Variants in PACSIN1 observed in about 807,000 individuals in gnomAD.
PACSIN1 encodes the protein protein kinase C and casein kinase substrate in neurons 1.
Under a neutral mutation model 59.5 loss-of-function variants are expected in PACSIN1, and 15 were observed. The observed-to-expected ratio is 0.25, with a 90% CI of 0.17 to 0.39. The LOEUF (loss-of-function observed/expected upper bound fraction) is 0.39. Among genes scored for constraint, PACSIN1 ranks in the 10% least tolerant of loss-of-function variants. PACSIN1 has a pLI of 1.00. For missense variants in PACSIN1, 420 were observed against 580.2 expected (o/e 0.72, Z 2.84); for synonymous variants, 210 against 220.6 (o/e 0.95, Z 0.42).
rs1410575277 is a variant in PACSIN1 at position 34,516,143 on chromosome 6, CCT to C, written c.-63-10099_-63-10098del. On this transcript the variant is annotated intron_variant, in intron 1 of 9. Coordinates refer to ENST00000244458, the MANE Select transcript of PACSIN1 (RefSeq NM_020804.5). The surrounding 1 kb of genome is among the most constrained non-coding windows in gnomAD (Gnocchi z 5.4). The stretch of plus-strand genomic sequence containing the variant: ...TCCACCTGCTTTCTCTCCCGCACCC[CCT>C]GAGAGCCCAGCTGGGTCTTTCACTG... 6.6e-6 allele frequency among the ~76,000 whole-genome samples: 1 copy of C among 152,156 alleles called. No individual in the cohort carries two copies. The highest frequency in any genetic ancestry group is 2.4e-5 in the African/African-American group (1 of 41,432).
At chr6:34,527,523 G>A (rs758366330) in intron 3 of PACSIN1, 35 bp downstream of exon 3, 5 of 1,545,644 alleles carry the variant, frequency 3.2e-6, no homozygotes, top group Admixed American at 1.9e-5. Context: ...CGCGCCCCCA[G>A]GCCGTCACGA....
At chr6:34,507,368 T>C (rs1382714841) in intron 1 of PACSIN1, among the ~76,000 whole-genome samples, 1 of 152,094 alleles carries the variant, frequency 6.6e-6, no homozygotes, top group African/African-American at 2.4e-5. Flanking sequence ...TCTGTTTGTT[T>C]TATATATAGG....
chr6:34,534,810 C>G lies in PACSIN1; in HGVS notation c.*2280C>G, dbSNP rs1458319479. On this transcript the variant is annotated 3_prime_UTR_variant, in exon 10 of 10. Transcript: ENST00000244458. ...TCTCCTACCTGGAAGTCCCCCTGAGCTCCAGGGCCCAGCCCTACCTGCCAG... is the reference window on the plus strand; with the variant it reads ...TCTCCTACCTGGAAGTCCCCCTGAGGTCCAGGGCCCAGCCCTACCTGCCAG... 6.5e-6 allele frequency: 1 copy of G among 152,802 alleles called. No individual in the cohort carries two copies. Among genetic ancestry groups the G allele is most frequent in the Non-Finnish European group, 1.5e-5 (1 of 68,140 alleles). 9.5% of individuals were successfully genotyped at this position (152,802 alleles called of 1,614,324 possible).
At chr6:34,483,121 C>T (rs1299352990) in intron 1 of PACSIN1, among the ~76,000 whole-genome samples, 1 of 151,524 alleles carries the variant, frequency 6.6e-6, no homozygotes, top group Non-Finnish European at 1.5e-5. Flanking sequence ...CCTCCCACCT[C>T]AGCCTCCCAA....
chr6:34,527,668 C>A, intron 3 of PACSIN1, 180 bp downstream of exon 3: 4 of 409,298 alleles, frequency 9.8e-6, no homozygotes, highest in Middle Eastern at 6.3e-4. Context: ...CTATTTTGTA[C>A]AATTTTAGGT....
intron 1 of PACSIN1, among the ~76,000 whole-genome samples, chr6:34,470,107 A>C (rs1310305446): frequency 1.3e-5 from 2 of 152,104 alleles, no homozygotes; most frequent in African/African-American, 4.8e-5. Context: ...GCTGTCTCTG[A>C]AGACCTCAAC....
intron 1 of PACSIN1, among the ~76,000 whole-genome samples, chr6:34,510,669 T>C (rs1767187295): frequency 6.6e-6 from 1 of 152,232 alleles, no homozygotes; most frequent in Non-Finnish European, 1.5e-5. Context: ...CAAAGGAGGA[T>C]TCTAAAATGT....
intron 1 of PACSIN1, among the ~76,000 whole-genome samples, chr6:34,484,441 T>C (rs1376092316): frequency 2.0e-5 from 3 of 151,968 alleles, no homozygotes; most frequent in Admixed American, 6.6e-5. Flanking sequence ...TATCAGAGAT[T>C]GGGGTGGGGC....
chr6:34,511,742 G>A (rs980497356), intron 1 of PACSIN1, among the ~76,000 whole-genome samples: 15 of 152,218 alleles, frequency 9.9e-5, no homozygotes, highest in African/African-American at 3.4e-4. Flanking sequence ...TGACAGTCAT[G>A]GGAATATTAT....
chr6:34,531,495 A>G lies in PACSIN1; in HGVS notation c.1038-105A>G, dbSNP rs907415066. ...CTCCTATGTGGCCAATCCTTGCTCT[A>G]GCCTTGGTAGAATTCGGGATCAGGG... On this transcript the variant is annotated intron_variant, in intron 8 of 9. Transcript: ENST00000244458. This position sits in a 1 kb window ranked among gnomAD's most constrained non-coding sequence, Gnocchi z 4.4. The G allele has an allele frequency of 8.4e-7, 1 of 1,193,062 alleles. No homozygotes were observed. The highest frequency in any genetic ancestry group is 1.2e-6 in the Non-Finnish European group (1 of 826,036). 73.9% of individuals were successfully genotyped at this position (1,193,062 alleles called of 1,614,324 possible). A position where few individuals can be genotyped will look rare whatever the true frequency, so the allele number is the denominator to read the frequency against.
chr6:34,529,658 G>A lies in PACSIN1; in HGVS notation c.613-8G>A. The stretch of plus-strand genomic sequence containing the variant: ...GGTGTCACCCTCTCTCCACTCTGGT[G>A]CCCACAGACACAGGAGAAGTATGAG... On this transcript the variant is annotated splice_polypyrimidine_tract_variant and splice_region_variant and intron_variant, in intron 5 of 9. Transcript: ENST00000244458. This position sits in a 1 kb window ranked among gnomAD's most constrained non-coding sequence, Gnocchi z 6.3. The A allele has an allele frequency of 6.2e-7, 1 of 1,613,812 alleles. No individual in the cohort carries two copies. Among genetic ancestry groups the A allele is most frequent in the South Asian group, 1.1e-5 (1 of 91,074 alleles).
At chr6:34,508,654 A>G (rs928237969) in intron 1 of PACSIN1, among the ~76,000 whole-genome samples, 1 of 152,158 alleles carries the variant, frequency 6.6e-6, no homozygotes. Context: ...CAAGTGTTCA[A>G]ATTTATCCAC....
rs531027351 is a variant in PACSIN1 at position 34,515,348 on chromosome 6, C to T, written c.-63-10895C>T. On this transcript the variant is annotated intron_variant, in intron 1 of 9. Transcript: ENST00000244458. This position sits in a 1 kb window ranked among gnomAD's most constrained non-coding sequence, Gnocchi z 4.4. Reference sequence around the variant, plus strand: ...CTGCCACAGGTCCTGACTTTGTAGCCATGCCCCCTCCTTGGGGCAGCAGGC... The same window carrying T: ...CTGCCACAGGTCCTGACTTTGTAGCTATGCCCCCTCCTTGGGGCAGCAGGC... 1.6e-4 allele frequency among the ~76,000 whole-genome samples: 25 copies of T among 152,252 alleles called. No individual in the cohort carries two copies. The East Asian group carries it at 4.6e-3, about 28-fold the overall frequency.
In PACSIN1 at chr6:34,496,285, C is replaced by T. The variant is rs111265425; in HGVS notation, c.-63-29958C>T. Among the ~76,000 whole-genome samples the T allele has an allele frequency of 6.6e-3, 998 of 152,254 alleles. 11 individuals are homozygous for T. Among genetic ancestry groups the T allele is most frequent in the African/African-American group, 0.022 (922 of 41,530 alleles). On this transcript the variant is annotated intron_variant, in intron 1 of 9. Transcript: ENST00000244458. ...TGGATTCTAGTTTACATTCTGCTCT[C>T]CTGCAAAGGTCATCTGTAATTGCCT...
At chr6:34,466,957 G>A (rs1766505635) in intron 1 of PACSIN1, among the ~76,000 whole-genome samples, 1 of 152,122 alleles carries the variant, frequency 6.6e-6, no homozygotes, top group Non-Finnish European at 1.5e-5. Context: ...CAGGGTGTAG[G>A]AGACATGGTG....
chr6:34,472,257 G>A (rs2113832209), intron 1 of PACSIN1, among the ~76,000 whole-genome samples: 1 of 115,616 alleles, frequency 8.6e-6, no homozygotes. Context: ...GGGAGACAGA[G>A]CCAGACTCTG....
intron 2 of PACSIN1, among the ~76,000 whole-genome samples, chr6:34,526,848 T>A (rs985716976): frequency 1.3e-5 from 2 of 152,004 alleles, no homozygotes; most frequent in Non-Finnish European, 2.9e-5. Flanking sequence ...AGAAAAAAAA[T>A]TGCTATTGGC....
intron 3 of PACSIN1, among the ~76,000 whole-genome samples, chr6:34,527,958 G>A (rs1315575558): frequency 2.6e-5 from 4 of 152,290 alleles, no homozygotes; most frequent in Non-Finnish European, 5.9e-5. Flanking sequence ...CATGTAATAC[G>A]ACCCATACGC....
Position 34,530,674 on chromosome 6 carries a change from T to A in PACSIN1, c.1037+87T>A. On this transcript the variant is annotated intron_variant, in intron 8 of 9. Transcript: ENST00000244458. This position sits in a 1 kb window ranked among gnomAD's most constrained non-coding sequence, Gnocchi z 4.4. ...TTTTGCTTCAGAAGACAAGAAATGGTCTAGATCATAGCAACTATGTCTCCT... is the reference window on the plus strand; with the variant it reads ...TTTTGCTTCAGAAGACAAGAAATGGACTAGATCATAGCAACTATGTCTCCT... 7.5e-7 allele frequency: 1 copy of A among 1,335,890 alleles called. No homozygotes were observed. Among genetic ancestry groups the A allele is most frequent in the Non-Finnish European group, 9.9e-7 (1 of 1,009,860 alleles). The allele number at this position is 1,335,890 out of a possible 1,614,324, so 82.8% of individuals were successfully genotyped here.
Sources: allele counts gnomAD v4.1 joint callset (sites outside exome capture counted in the v4.1 genomes callset), GRCh38; gene constraint gnomAD v4.1.1; non-coding constraint Gnocchi (gnomAD v3.1); transcripts MANE v1.5; gene names NCBI Gene and HGNC (gene_info 2026-07-23, HGNC 2026-07-21).